EFNA5: variants seen among roughly 807,000 people sequenced by gnomAD.
EFNA5 encodes the protein ephrin-A5.
In EFNA5, 5 loss-of-function variants were observed where a neutral mutation model predicts 22.9. The ratio of observed to expected loss-of-function variants is 0.22; its 90% CI spans 0.11 to 0.46. EFNA5 has a LOEUF of 0.46. Among genes scored for constraint, EFNA5 ranks in the 20% least tolerant of loss-of-function variants. EFNA5 has a pLI of 0.99. For synonymous variants in EFNA5, 113 were observed against 112.2 expected (o/e 1.01, Z -0.04); for missense variants, 237 against 293.3 (o/e 0.81, Z 1.40).
At chr5:107,514,528 T>C (rs1382515051) in intron 1 of EFNA5, among the ~76,000 whole-genome samples, 4 of 152,170 alleles carry the variant, frequency 2.6e-5, no homozygotes, top group Non-Finnish European at 2.9e-5. Flanking sequence ...CTCCACAACC[T>C]GACGAGTGTG....
intron 1 of EFNA5, among the ~76,000 whole-genome samples, chr5:107,640,420 GTAAA>G (rs1470040449): frequency 2.6e-5 from 4 of 152,320 alleles, no homozygotes; most frequent in Non-Finnish European, 5.9e-5. Flanking sequence ...AGAATTATGT[GTAAA>G]TGTTATTTTA....
chr5:107,656,016 A>G (rs2112556592), intron 1 of EFNA5, among the ~76,000 whole-genome samples: 1 of 152,290 alleles, frequency 6.6e-6, no homozygotes, highest in East Asian at 1.9e-4. Flanking sequence ...TCCCAGGGAC[A>G]GCCCAGCTGC....
intron 2 of EFNA5, among the ~76,000 whole-genome samples, chr5:107,388,230 C>T (rs75707354): frequency 1.5e-3 from 232 of 152,284 alleles, no homozygotes; most frequent in Admixed American, 2.3e-3. Flanking sequence ...CAGACTTAAA[C>T]GTGACCTATT....
intron 1 of EFNA5, among the ~76,000 whole-genome samples, chr5:107,557,585 T>C (rs572657423): frequency 6.6e-6 from 1 of 152,350 alleles, no homozygotes; most frequent in Non-Finnish European, 1.5e-5. Context: ...AATTCAATCC[T>C]GGTTAGTGTG....
intron 1 of EFNA5, among the ~76,000 whole-genome samples, chr5:107,524,552 CAG>C (rs1386004250): frequency 6.6e-6 from 1 of 152,164 alleles, no homozygotes; most frequent in African/African-American, 2.4e-5. Flanking sequence ...TACTGGCAAA[CAG>C]AGAAGAAGAA....
At chr5:107,427,962 G>C (rs1235606763) in intron 1 of EFNA5, among the ~76,000 whole-genome samples, 1 of 152,084 alleles carries the variant, frequency 6.6e-6, no homozygotes, top group Non-Finnish European at 1.5e-5. Flanking sequence ...TGACCGAATT[G>C]TTTTTTGTTA....
chr5:107,468,462 A>C (rs1290364943), intron 1 of EFNA5, among the ~76,000 whole-genome samples: 1 of 152,226 alleles, frequency 6.6e-6, no homozygotes, highest in Non-Finnish European at 1.5e-5. Context: ...TAACTTGATA[A>C]GAAATCAAGC....
intron 1 of EFNA5, among the ~76,000 whole-genome samples, chr5:107,439,519 A>C (rs1242575863): frequency 1.3e-5 from 2 of 152,166 alleles, no homozygotes; most frequent in Non-Finnish European, 2.9e-5. Flanking sequence ...ACAGCTAAGT[A>C]AAAATGGCCA....
intron 1 of EFNA5, among the ~76,000 whole-genome samples, chr5:107,641,600 C>T (rs867381714): frequency 6.6e-6 from 1 of 152,152 alleles, no homozygotes; most frequent in South Asian, 2.1e-4. Context: ...TTTATTAATA[C>T]ATCAACTCCC....
At chr5:107,395,034 CTTTTT>C (rs58619326) in intron 2 of EFNA5, among the ~76,000 whole-genome samples, 2,235 of 86,260 alleles carry the variant, frequency 0.026, 131 homozygotes, top group African/African-American at 0.089. Context: ...ATTTCTAGTT[CTTTTT>C]TTTTTTTTTT....
At chr5:107,421,103 A>G (rs1468782728) in intron 2 of EFNA5, among the ~76,000 whole-genome samples, 1 of 152,202 alleles carries the variant, frequency 6.6e-6, no homozygotes, top group Non-Finnish European at 1.5e-5. Context: ...GATCATTTTA[A>G]TAAGATAGCC....
intron 1 of EFNA5, among the ~76,000 whole-genome samples, chr5:107,618,229 TGA>T (rs1749964399): frequency 6.6e-6 from 1 of 152,226 alleles, no homozygotes; most frequent in African/African-American, 2.4e-5. Flanking sequence ...AAGAAATATT[TGA>T]GGCTTTCAGT....
chr5:107,442,946 A>C (rs1749295588), intron 1 of EFNA5, among the ~76,000 whole-genome samples: 1 of 151,696 alleles, frequency 6.6e-6, no homozygotes, highest in Non-Finnish European at 1.5e-5. Context: ...AAAAAAAAAA[A>C]AAAAAAACCC....
rs190495401 is a variant in EFNA5 at position 107,475,008 on chromosome 5, C to A, written c.126-47499G>T. 3.9e-5 allele frequency among the ~76,000 whole-genome samples: 6 copies of A among 152,298 alleles called. No homozygotes were observed. The East Asian group carries it at 1.2e-3, about 29-fold the overall frequency. On this transcript the variant is annotated intron_variant, in intron 1 of 4. Transcript: ENST00000333274. ...AATGTGAGGTTACTTCCTGCTTCCA[C>A]AATATGACTGTGCTTTACTAAACAA...
intron 1 of EFNA5, among the ~76,000 whole-genome samples, chr5:107,626,346 A>G (rs1750140633): frequency 6.6e-6 from 1 of 152,110 alleles, no homozygotes; most frequent in Non-Finnish European, 1.5e-5. Flanking sequence ...TAGCGCAGCC[A>G]TAGCTCACTG....
intron 1 of EFNA5, among the ~76,000 whole-genome samples, chr5:107,615,303 C>A (rs1026965456): frequency 2.6e-5 from 4 of 152,110 alleles, no homozygotes; most frequent in African/African-American, 9.7e-5. Context: ...TCTAGGGTTT[C>A]AATCTTCTCT....
At chr5:107,427,562 C>T (rs1367641927) in intron 1 of EFNA5, 53 bp from the exon 2 acceptor site, 7 of 1,493,306 alleles carry the variant, frequency 4.7e-6, no homozygotes, top group Non-Finnish European at 6.3e-6. Context: ...GGGCTTTCTG[C>T]TTGGAATCAG....
intron 1 of EFNA5, among the ~76,000 whole-genome samples, chr5:107,467,147 T>C (rs545972104): frequency 2.0e-5 from 3 of 152,268 alleles, no homozygotes; most frequent in South Asian, 4.1e-4. Context: ...TTAGACAACA[T>C]GCCAAGTGGA....
chr5:107,622,718 G>C (rs934043548), intron 1 of EFNA5, among the ~76,000 whole-genome samples: 4 of 151,962 alleles, frequency 2.6e-5, no homozygotes, highest in Non-Finnish European at 4.4e-5. Context: ...AATAGACGTG[G>C]AGTCTCAAAA....
Sources: allele counts gnomAD v4.1 joint callset (sites outside exome capture counted in the v4.1 genomes callset), GRCh38; gene constraint gnomAD v4.1.1; transcripts MANE v1.5; gene names NCBI Gene and HGNC (gene_info 2026-07-23, HGNC 2026-07-21).